Variants in SSMEM1 observed in about 807,000 individuals in gnomAD.
SSMEM1 encodes serine rich single-pass membrane protein 1.
In SSMEM1, 12 loss-of-function variants were observed where a neutral mutation model predicts 9.9. That is an observed-to-expected ratio of 1.21 (90% CI 0.78 to 1.96). SSMEM1 has a LOEUF of 1.96. Among genes scored for constraint, SSMEM1 ranks in the 30% most tolerant of loss-of-function variants. The probability of loss-of-function intolerance (pLI) is 0.00; values close to 1 mark genes in which losing one functional copy is unlikely to be tolerated. For synonymous variants in SSMEM1, 96 were observed against 98.9 expected (o/e 0.97, Z 0.17); for missense variants, 259 against 292.2 (o/e 0.89, Z 0.83).
At chr7:130,208,473 A>T (rs1445036049) in intron 1 of SSMEM1, among the ~76,000 whole-genome samples, 1 of 152,204 alleles carries the variant, frequency 6.6e-6, no homozygotes, top group East Asian at 1.9e-4. Flanking sequence ...ACTTCTTTAA[A>T]TTATATTCAC....
Position 130,208,054 on chromosome 7 carries a change from C to A in SSMEM1, c.144C>A (p.Ile48=). The A allele has an allele frequency of 6.2e-7, 1 of 1,613,860 alleles. No individual in the cohort carries two copies. Among genetic ancestry groups the A allele is most frequent in the Non-Finnish European group, 8.5e-7 (1 of 1,179,908 alleles). ...IGSFLLWYFV[I]VFVLMFFSRA... is the part of the protein sequence containing the mutation. ...GCTTCCTGCTTTGGTATTTTGTTAT[C>A]GTATTTGTCCTGATGTTCTTCTCTA... The change falls in exon 1 of 3, where the codon ATC becomes ATA. Residue 48 remains isoleucine (I), a synonymous_variant. Coordinates refer to ENST00000297819, the MANE Select transcript of SSMEM1 (RefSeq NM_145268.4).
chr7:130,206,148 G>A (rs1182030286), upstream of SSMEM1, among the ~76,000 whole-genome samples: 2 of 152,222 alleles, frequency 1.3e-5, no homozygotes, highest in African/African-American at 4.8e-5. Context: ...AAAAGGTTGA[G>A]CTTTGTTTTA....
chr7:130,207,779 C>G, upstream of SSMEM1: 2 of 937,050 alleles, frequency 2.1e-6, no homozygotes, highest in East Asian at 2.4e-5. Flanking sequence ...TTGTCAGTTC[C>G]TAGAACAGTT....
At chr7:130,209,603 G>A (rs748440151) in intron 1 of SSMEM1, among the ~76,000 whole-genome samples, 8 of 152,056 alleles carry the variant, frequency 5.3e-5, no homozygotes, top group South Asian at 2.1e-4. Flanking sequence ...TTTTTGAGAC[G>A]GAGTCTCGCC....
intron 1 of SSMEM1, among the ~76,000 whole-genome samples, chr7:130,212,748 CAAAA>C (rs941473905): frequency 6.0e-5 from 9 of 150,708 alleles, no homozygotes; most frequent in African/African-American, 2.2e-4. Flanking sequence ...AAAACAAAAA[CAAAA>C]AAACAAAACA....
At chr7:130,209,611 G>A (rs968491609) in intron 1 of SSMEM1, among the ~76,000 whole-genome samples, 13 of 152,160 alleles carry the variant, frequency 8.5e-5, no homozygotes, top group South Asian at 2.1e-4. Flanking sequence ...ACGGAGTCTC[G>A]CCCTGTTGCC....
At position 130,216,130 on chromosome 7, in the gene SSMEM1, A is replaced by C. The variant is rs751525166; in HGVS notation, c.395A>C (p.Gln132Pro). 1 of 1,614,230 alleles carries C rather than the reference A, an allele frequency of 6.2e-7. No individual in the cohort carries two copies. The highest frequency in any genetic ancestry group is 1.7e-5 in the Admixed American group (1 of 60,020). Residue 132 changes from glutamine to proline, a missense_variant, in exon 3 of 3, where the codon CAG becomes CCG. By Grantham distance (76) the Gln-to-Pro change is moderately conservative. Coordinates refer to ENST00000297819, the MANE Select transcript of SSMEM1 (RefSeq NM_145268.4). The part of the protein sequence containing the change: ...AYPEQRRARR[Q>P]SQFNEVNQNQ... ...CCTGAACAAAGACGAGCCAGGCGCC[A>C]GTCTCAGTTCAATGAGGTGAACCAG...
At position 130,212,451 on chromosome 7, in the gene SSMEM1, C is replaced by T. The variant is rs893533603; in HGVS notation, c.184-1029C>T. Among the ~76,000 whole-genome samples the T allele has an allele frequency of 1.3e-4, 20 of 152,186 alleles. 4 individuals are homozygous for T. Among genetic ancestry groups the T allele is most frequent in the Admixed American group, 1.1e-3 (17 of 15,290 alleles). The stretch of plus-strand genomic sequence containing the variant: ...AAGAACTAAACTAATCTGGGCCAGG[C>T]GCGGTGGCTTACATCCGTAATCCCA... On this transcript the variant is annotated intron_variant, in intron 1 of 2. Transcript: ENST00000297819.
At chr7:130,213,711 A>G (rs1160415191) in intron 2 of SSMEM1, among the ~76,000 whole-genome samples, 177 bp downstream of exon 2, 6 of 70,526 alleles carry the variant, frequency 8.5e-5, no homozygotes, top group African/African-American at 2.4e-4. Context: ...AAAAAAAAAA[A>G]AAAGAAAAGA....
upstream of SSMEM1, chr7:130,205,528 C>T (rs760044212): frequency 7.4e-6 from 9 of 1,217,738 alleles, no homozygotes; most frequent in Non-Finnish European, 1.1e-5. Context: ...CAGGCCCAGG[C>T]GCTCGGAGCG....
At chr7:130,212,439 A>G (rs1798608316) in intron 1 of SSMEM1, among the ~76,000 whole-genome samples, 1 of 152,038 alleles carries the variant, frequency 6.6e-6, no homozygotes, top group East Asian at 1.9e-4. Context: ...AACTAAACTA[A>G]TCTGGGCCAG....
chr7:130,215,603 G>A (rs1466298371), intron 2 of SSMEM1, among the ~76,000 whole-genome samples: 1 of 152,170 alleles, frequency 6.6e-6, no homozygotes, highest in East Asian at 1.9e-4. Context: ...ATCCTTCTTA[G>A]TTCCTGCTCC....
intron 2 of SSMEM1, among the ~76,000 whole-genome samples, 176 bp downstream of exon 2, chr7:130,213,710 A>AAAG (rs1554382345): frequency 4.4e-4 from 53 of 119,282 alleles, no homozygotes; most frequent in East Asian, 1.1e-3. Flanking sequence ...AAAAAAAAAA[A>AAAG]AAAAGAAAAG....
rs1431004287 is a variant in SSMEM1, at chr7:130,208,033, C to T, written c.123C>T (p.Phe41=). ...ACTCTTGTGGAACCATAGGGAGCTT[C>T]CTGCTTTGGTATTTTGTTATCGTAT... The part of the protein sequence containing the change: ...KDDSCGTIGS[F]LLWYFVIVFV... The change falls in exon 1 of 3, where the codon TTC becomes TTT. Residue 41 remains phenylalanine (F), a synonymous_variant. Coordinates refer to ENST00000297819, the MANE Select transcript of SSMEM1 (RefSeq NM_145268.4). 4 of 1,613,892 alleles carry T rather than the reference C, an allele frequency of 2.5e-6. No homozygotes were observed. The African/African-American group carries it at 4.0e-5, about 16-fold the overall frequency.
chr7:130,208,305 C>G (rs994800930), intron 1 of SSMEM1, among the ~76,000 whole-genome samples: 2 of 152,178 alleles, frequency 1.3e-5, no homozygotes, highest in Non-Finnish European at 2.9e-5. Flanking sequence ...GAGATAACCA[C>G]TGTTAACATT....
At chr7:130,214,997 A>G (rs1798676124) in intron 2 of SSMEM1, among the ~76,000 whole-genome samples, 1 of 152,194 alleles carries the variant, frequency 6.6e-6, no homozygotes, top group Non-Finnish European at 1.5e-5. Flanking sequence ...GATGTGCAGT[A>G]GTGCACCCTT....
chr7:130,211,080 C>G (rs1296690045), intron 1 of SSMEM1, among the ~76,000 whole-genome samples: 1 of 151,440 alleles, frequency 6.6e-6, no homozygotes, highest in East Asian at 1.9e-4. Flanking sequence ...TTATTTTTTT[C>G]CTTTTCTATA....
Position 130,216,500 on chromosome 7 carries a change from C to T in SSMEM1, c.*30C>T. The T allele has an allele frequency of 6.3e-7, 1 of 1,597,480 alleles. No individual in the cohort carries two copies. Among genetic ancestry groups the T allele is most frequent in the Non-Finnish European group, 8.5e-7 (1 of 1,170,356 alleles). ...TATCACGTTCTTCCTTCACTTGAAG[C>T]CAAATGAAAGAGATGAATAAAACAT... On this transcript the variant is annotated 3_prime_UTR_variant, in exon 3 of 3. Coordinates refer to ENST00000297819, the MANE Select transcript of SSMEM1 (RefSeq NM_145268.4).
intron 1 of SSMEM1, among the ~76,000 whole-genome samples, chr7:130,209,925 A>C (rs1159751745): frequency 6.6e-6 from 1 of 152,174 alleles, no homozygotes; most frequent in Non-Finnish European, 1.5e-5. Context: ...AGCTCTTGGG[A>C]GTCATACAGC....
Sources: allele counts gnomAD v4.1 joint callset (sites outside exome capture counted in the v4.1 genomes callset), GRCh38; gene constraint gnomAD v4.1.1; transcripts MANE v1.5; gene names NCBI Gene and HGNC (gene_info 2026-07-23, HGNC 2026-07-21).